GMPS: variants seen among roughly 807,000 people sequenced by gnomAD.
GMPS encodes the protein guanosine monophosphate synthase.
Under a neutral mutation model 77.9 loss-of-function variants are expected in GMPS, and 15 were observed. The observed-to-expected ratio is 0.19, with a 90% CI of 0.13 to 0.30. The LOEUF is 0.30. GMPS is among the 10% of genes least tolerant of loss of function. The pLI, the probability that GMPS is intolerant of heterozygous loss-of-function variation, is 1.00. For missense variants in GMPS, 590 were observed against 838.8 expected, an observed-to-expected ratio of 0.70 and a Z score of 3.66; for synonymous variants, 224 against 275.9, an observed-to-expected ratio of 0.81 and a Z score of 1.86.
At chr3:155,907,549 C>T (rs937572968) in intron 5 of GMPS, among the ~76,000 whole-genome samples, 8 of 152,010 alleles carry the variant, frequency 5.3e-5, no homozygotes, top group South Asian at 2.1e-4. Flanking sequence ...TGGTTGTGCC[C>T]CTACACTCCA....
chr3:155,872,324 A>G (rs1056693029), intron 1 of GMPS, among the ~76,000 whole-genome samples: 4 of 152,206 alleles, frequency 2.6e-5, no homozygotes, highest in Admixed American at 1.3e-4. Flanking sequence ...AGGTCCAGGG[A>G]GCTGTTAAGA....
At chr3:155,907,568 A>T (rs1754925929) in intron 5 of GMPS, among the ~76,000 whole-genome samples, 1 of 152,226 alleles carries the variant, frequency 6.6e-6, no homozygotes, top group Non-Finnish European at 1.5e-5. Context: ...CATCCTGGGC[A>T]ACAGAGCAAG....
In GMPS at chr3:155,871,826, TCTC is replaced by T. The variant is rs372778254; in HGVS notation, c.27+934_27+936del. ...GCACGTTTGACCGCTGCTGCTCATC[TCTC>T]CTCCAACTCACTTTTCTTAGACCGT... On this transcript the variant is annotated intron_variant, in intron 1 of 15. Coordinates refer to ENST00000496455, the MANE Select transcript of GMPS (RefSeq NM_003875.3). 2.0e-4 allele frequency among the ~76,000 whole-genome samples: 31 copies of T among 152,300 alleles called. No homozygotes were observed. The East Asian group carries it at 5.0e-3, about 25-fold the overall frequency.
intron 4 of GMPS, among the ~76,000 whole-genome samples, chr3:155,905,438 CTT>C (rs999008985): frequency 1.3e-5 from 2 of 152,094 alleles, no homozygotes; most frequent in Non-Finnish European, 2.9e-5. Flanking sequence ...ACTTAAGTCT[CTT>C]AAGTAACACT....
At chr3:155,935,218 C>T (rs1210376829) in intron 14 of GMPS, among the ~76,000 whole-genome samples, 172 bp downstream of exon 14, 2 of 152,166 alleles carry the variant, frequency 1.3e-5, no homozygotes, top group African/African-American at 4.8e-5. Flanking sequence ...CTGTCTTGCT[C>T]TGTCGCCCAG....
chr3:155,869,776 T>G (rs1049982240), upstream of GMPS, among the ~76,000 whole-genome samples: 50 of 152,338 alleles, frequency 3.3e-4, no homozygotes, highest in African/African-American at 1.2e-3. Context: ...CAAGAATGAC[T>G]GCAGCAAAAT....
intron 10 of GMPS, among the ~76,000 whole-genome samples, chr3:155,921,652 C>T (rs1393710835): frequency 1.3e-5 from 2 of 152,062 alleles, no homozygotes; most frequent in Non-Finnish European, 2.9e-5. Flanking sequence ...ATTAGCCAGG[C>T]ATGGCTGCCG....
At chr3:155,923,395 T>C (rs1479389374) in intron 11 of GMPS, among the ~76,000 whole-genome samples, 1 of 152,084 alleles carries the variant, frequency 6.6e-6, no homozygotes, top group Non-Finnish European at 1.5e-5. Flanking sequence ...AATGTATTAA[T>C]TCCTCCACAC....
chr3:155,938,499 T>C lies in GMPS; in HGVS notation c.*807T>C, dbSNP rs796644778. On this transcript the variant is annotated 3_prime_UTR_variant, in exon 16 of 16. Coordinates refer to ENST00000496455, the MANE Select transcript of GMPS (RefSeq NM_003875.3). ...TGTTATCTCCTTAGAAGAAACTGGC[T>C]CAATGACGTTTCTGGTGTAGTGCAG... The C allele has an allele frequency of 2.4e-5, 5 of 210,382 alleles. No individual in the cohort carries two copies. Among genetic ancestry groups the C allele is most frequent in the African/African-American group, 1.1e-4 (5 of 44,222 alleles). 13.0% of individuals were successfully genotyped at this position (210,382 alleles called of 1,614,324 possible). A position where few individuals can be genotyped will look rare whatever the true frequency, so the allele number is the denominator to read the frequency against.
At chr3:155,897,050 T>C (rs900058445) in intron 2 of GMPS, among the ~76,000 whole-genome samples, 12 of 152,140 alleles carry the variant, frequency 7.9e-5, no homozygotes, top group African/African-American at 2.9e-4. Context: ...AGCTTGAAGG[T>C]GCAAGCCACT....
intron 14 of GMPS, 26 bp from the exon 15 acceptor site, chr3:155,936,312 T>C (rs546663408): frequency 1.3e-6 from 2 of 1,517,944 alleles, no homozygotes; most frequent in East Asian, 2.3e-5. Context: ...GGTGTGGTGA[T>C]TGGTTCTACA....
rs893573364 is a variant in GMPS, at chr3:155,943,857, A to G, written c.*6165A>G. The G allele has an allele frequency of 1.3e-5, 2 of 153,714 alleles. No homozygotes were observed. Among genetic ancestry groups the G allele is most frequent in the African/African-American group, 4.8e-5 (2 of 41,524 alleles). 9.5% of individuals were successfully genotyped at this position (153,714 alleles called of 1,614,324 possible). A position where few individuals can be genotyped will look rare whatever the true frequency, so the allele number is the denominator to read the frequency against. ...ATATAGTGTCAAGGGTTTCTATATA[A>G]CAACTTAATTTATTTCCCTTGCATA... On this transcript the variant is annotated 3_prime_UTR_variant, in exon 16 of 16. Coordinates refer to ENST00000496455, the MANE Select transcript of GMPS (RefSeq NM_003875.3).
rs765360365 is a variant in GMPS at position 155,914,447 on chromosome 3, T to A, written c.915T>A (p.Asn305Lys). ...KVINAAHSFY[N>K]GTTTLPISDE... ...TAAATGCTGCTCATTCTTTCTACAA[T>A]GGAACAACAACCCTACCAATATCAG... The change falls in exon 8 of 16, where the codon AAT (asparagine) becomes AAA (lysine). Residue 305 changes from asparagine to lysine, a missense_variant. By Grantham distance (94) the Asn-to-Lys change is moderately conservative. Transcript: ENST00000496455. The A allele has an allele frequency of 6.3e-7, 1 of 1,580,784 alleles. No homozygotes were observed. Among genetic ancestry groups the A allele is most frequent in the Non-Finnish European group, 8.6e-7 (1 of 1,168,454 alleles).
At chr3:155,927,976 A>G (rs1480699023) in intron 12 of GMPS, among the ~76,000 whole-genome samples, 1 of 143,532 alleles carries the variant, frequency 7.0e-6, no homozygotes, top group Non-Finnish European at 1.5e-5. Flanking sequence ...TCAGTTATCC[A>G]TGTATTTATG....
At chr3:155,929,920 G>A (rs1365939733) in intron 12 of GMPS, among the ~76,000 whole-genome samples, 15 of 141,942 alleles carry the variant, frequency 1.1e-4, no homozygotes, top group Non-Finnish European at 1.9e-4. Flanking sequence ...AATCAATATC[G>A]TGAAAATGGC....
intron 1 of GMPS, among the ~76,000 whole-genome samples, chr3:155,874,285 A>G (rs560428796): frequency 6.6e-5 from 10 of 152,182 alleles, no homozygotes; most frequent in Non-Finnish European, 1.5e-4. Context: ...TACCTGTCCT[A>G]TCATTGAGAG....
At chr3:155,897,697 G>C (rs1413405098) in intron 2 of GMPS, among the ~76,000 whole-genome samples, 3 of 152,190 alleles carry the variant, frequency 2.0e-5, no homozygotes, top group Admixed American at 6.5e-5. Flanking sequence ...TTATTAACAA[G>C]TAAATGCTGA....
At chr3:155,885,725 T>G (rs551932566) in intron 1 of GMPS, among the ~76,000 whole-genome samples, 59 of 152,226 alleles carry the variant, frequency 3.9e-4, no homozygotes, top group Non-Finnish European at 7.3e-4. Context: ...ATGTTTCAGA[T>G]TTTTGGATTA....
Position 155,942,532 on chromosome 3 carries a change from T to G in GMPS, c.*4840T>G, listed in dbSNP as rs932153710. 6.1e-5 allele frequency: 14 copies of G among 227,882 alleles called. No homozygotes were observed. The highest frequency in any genetic ancestry group is 2.9e-4 in the African/African-American group (13 of 45,150). 14.1% of individuals were successfully genotyped at this position (227,882 alleles called of 1,614,324 possible). ...CATAGAGATGGTCTTGCTGAAGGTC[T>G]TATAGCTAAATTAGTTCAGATCCAG... On this transcript the variant is annotated 3_prime_UTR_variant, in exon 16 of 16. Coordinates refer to ENST00000496455, the MANE Select transcript of GMPS (RefSeq NM_003875.3).
Sources: gnomAD v4.1 joint callset for allele counts (sites outside exome capture counted in the v4.1 genomes callset) on GRCh38, gnomAD v4.1.1 for gene constraint, MANE v1.5 for transcripts, NCBI Gene and HGNC (gene_info 2026-07-23, HGNC 2026-07-21) for gene names.